Variants in DOK6 observed in about 807,000 individuals in gnomAD.
The protein encoded by DOK6 is docking protein 6.
In DOK6, 22 loss-of-function variants were observed where a neutral mutation model predicts 44.0. The ratio of observed to expected loss-of-function variants is 0.50; its 90% CI spans 0.36 to 0.71. The LOEUF is 0.71. Among genes scored for constraint, DOK6 ranks in the 30% least tolerant of loss-of-function variants. The pLI is 0.00. For missense variants in DOK6, 340 were observed against 416.4 expected, an observed-to-expected ratio of 0.82 and a Z score of 1.60; for synonymous variants, 166 against 145.5, an observed-to-expected ratio of 1.14 and a Z score of -1.01.
chr18:69,837,584 A>AAAT (rs71178821), intron 7 of DOK6, among the ~76,000 whole-genome samples: 1 of 151,540 alleles, frequency 6.6e-6, no homozygotes, highest in South Asian at 2.1e-4. Flanking sequence ...AAAAAAAAAA[A>AAAT]GTGCAAGAAT....
intron 5 of DOK6, among the ~76,000 whole-genome samples, chr18:69,699,515 G>C (rs1212684564): frequency 6.6e-6 from 1 of 151,952 alleles, no homozygotes; most frequent in Admixed American, 6.6e-5. Context: ...AATTTTACCA[G>C]TCTGGGGCCC....
At chr18:69,661,612 C>A (rs1005550100) in intron 3 of DOK6, 1 of 152,142 alleles carries the variant, frequency 6.6e-6, no homozygotes, top group Non-Finnish European at 1.5e-5. Context: ...GTGTAATTGT[C>A]GGGATAGCAG....
chr18:69,665,558 C>A (rs1038129171), intron 3 of DOK6, among the ~76,000 whole-genome samples: 1 of 152,132 alleles, frequency 6.6e-6, no homozygotes, highest in Non-Finnish European at 1.5e-5. Flanking sequence ...AATTTTCTAT[C>A]GTCTGCCTTA....
chr18:69,572,578 T>C (rs1983139571), intron 2 of DOK6, among the ~76,000 whole-genome samples: 1 of 151,966 alleles, frequency 6.6e-6, no homozygotes, highest in African/African-American at 2.4e-5. Context: ...CTGGATAAAA[T>C]GTCCTTGGGA....
chr18:69,412,904 A>G (rs1978312425), intron 1 of DOK6, among the ~76,000 whole-genome samples: 1 of 152,102 alleles, frequency 6.6e-6, no homozygotes. Context: ...GTTAGTGACA[A>G]AAGAGGCAAT....
intron 1 of DOK6, among the ~76,000 whole-genome samples, chr18:69,485,905 GTATA>G (rs1197842355): frequency 6.6e-6 from 1 of 150,450 alleles, no homozygotes; most frequent in Non-Finnish European, 1.5e-5. Context: ...GTGTGTGTGT[GTATA>G]TGTATATCTC....
At chr18:69,638,535 C>T (rs4328545) in intron 3 of DOK6, among the ~76,000 whole-genome samples, 140,818 of 151,852 alleles carry the variant, frequency 0.93, 66,245 homozygotes, top group East Asian at 1. Context: ...TATTTCCAGG[C>T]TGAAGTATTT....
At chr18:69,776,455 A>G (rs954068178) in intron 7 of DOK6, among the ~76,000 whole-genome samples, 1 of 152,116 alleles carries the variant, frequency 6.6e-6, no homozygotes, top group Non-Finnish European at 1.5e-5. Flanking sequence ...TATTGGAACT[A>G]CACGATAATG....
rs1375587364 is a variant in DOK6, at chr18:69,844,098, A to G, written c.*2715A>G. ...TGGAGCAACCAGAAGGGTCATGGAG[A>G]TGTATACCACTCGCTTGGGCTCGTA... On this transcript the variant is annotated 3_prime_UTR_variant, in exon 8 of 8. Coordinates refer to ENST00000382713, the MANE Select transcript of DOK6 (RefSeq NM_152721.6). 6.6e-6 allele frequency: 1 copy of G among 152,174 alleles called. No homozygotes were observed. The highest frequency in any genetic ancestry group is 1.5e-5 in the Non-Finnish European group (1 of 68,038). The allele number at this position is 152,174 out of a possible 1,614,324, so 9.4% of individuals were successfully genotyped here. A position where few individuals can be genotyped will look rare whatever the true frequency, so the allele number is the denominator to read the frequency against.
At chr18:69,689,839 A>G (rs1367498540) in intron 4 of DOK6, among the ~76,000 whole-genome samples, 1 of 152,174 alleles carries the variant, frequency 6.6e-6, no homozygotes, top group Non-Finnish European at 1.5e-5. Flanking sequence ...TATTCGTTAA[A>G]CAGATAATTT....
At chr18:69,673,386 T>C (rs4891767) in intron 3 of DOK6, among the ~76,000 whole-genome samples, 56,041 of 152,090 alleles carry the variant, frequency 0.37, 10,561 homozygotes, top group South Asian at 0.44. Context: ...TTATTAAAGG[T>C]CTTCTATTTA....
chr18:69,546,800 T>C (rs977354034), intron 1 of DOK6, among the ~76,000 whole-genome samples: 2 of 151,622 alleles, frequency 1.3e-5, no homozygotes, highest in African/African-American at 4.8e-5. Flanking sequence ...TTCCTATTTG[T>C]TGGGAACATT....
intron 4 of DOK6, among the ~76,000 whole-genome samples, chr18:69,678,626 T>C (rs918521145): frequency 3.3e-5 from 5 of 152,216 alleles, no homozygotes; most frequent in East Asian, 3.9e-4. Flanking sequence ...CACTGTTCTC[T>C]AGTTTAACAA....
At chr18:69,766,469 G>A (rs1979720714) in intron 7 of DOK6, among the ~76,000 whole-genome samples, 1 of 152,202 alleles carries the variant, frequency 6.6e-6, no homozygotes, top group South Asian at 2.1e-4. Context: ...ACTACTAGTA[G>A]TCTGCTGTTG....
intron 1 of DOK6, among the ~76,000 whole-genome samples, chr18:69,490,040 G>T (rs1164859390): frequency 1.3e-5 from 2 of 152,024 alleles, no homozygotes; most frequent in Non-Finnish European, 2.9e-5. Context: ...CAGAAGACAT[G>T]CCAATTGTTC....
At chr18:69,539,620 T>G (rs560475534) in intron 1 of DOK6, among the ~76,000 whole-genome samples, 1 of 152,224 alleles carries the variant, frequency 6.6e-6, no homozygotes, top group African/African-American at 2.4e-5. Flanking sequence ...TATAGAAAGC[T>G]TTCTTATTCC....
intron 7 of DOK6, among the ~76,000 whole-genome samples, chr18:69,835,766 ATTGT>A (rs1282817686): frequency 2.0e-5 from 3 of 152,116 alleles, no homozygotes; most frequent in Non-Finnish European, 2.9e-5. Context: ...TATTTATCAC[ATTGT>A]TTGTTGTTTT....
chr18:69,639,272 ATC>A (rs1264715483), intron 3 of DOK6, among the ~76,000 whole-genome samples: 1 of 152,234 alleles, frequency 6.6e-6, no homozygotes, highest in Non-Finnish European at 1.5e-5. Flanking sequence ...TTGAAAAAAT[ATC>A]TCTAAGTGTC....
At chr18:69,588,743 T>C (rs959838869) in intron 2 of DOK6, among the ~76,000 whole-genome samples, 12 of 152,074 alleles carry the variant, frequency 7.9e-5, no homozygotes, top group African/African-American at 2.9e-4. Flanking sequence ...GGATGTTGAG[T>C]AGACAGCCAA....
Sources: gnomAD v4.1 joint callset for allele counts (sites outside exome capture counted in the v4.1 genomes callset) on GRCh38, gnomAD v4.1.1 for gene constraint, MANE v1.5 for transcripts, NCBI Gene and HGNC (gene_info 2026-07-23, HGNC 2026-07-21) for gene names.